The following NRF1 variants were observed in gnomAD, a reference collection of about 807,000 sequenced individuals.
NRF1 encodes the protein nuclear respiratory factor 1.
A neutral mutation model predicts 58.5 loss-of-function variants in NRF1; 5 were observed. That is an observed-to-expected ratio of 0.09 (90% CI 0.04 to 0.18). The LOEUF (loss-of-function observed/expected upper bound fraction) is 0.18. Ranked by LOEUF, NRF1 falls within the 10% of genes least tolerant of loss-of-function variation. NRF1 has a pLI of 1.00. For synonymous variants in NRF1, 224 were observed against 246.7 expected (o/e 0.91, Z 0.86); for missense variants, 288 against 657.7 (o/e 0.44, Z 6.15).
intron 9 of NRF1, among the ~76,000 whole-genome samples, chr7:129,723,710 A>G (rs1367684005): frequency 6.6e-6 from 1 of 152,226 alleles, no homozygotes; most frequent in Non-Finnish European, 1.5e-5. Flanking sequence ...GTCAAAAACC[A>G]TGTGACCATA....
chr7:129,663,837 A>G (rs1453454486), intron 2 of NRF1, among the ~76,000 whole-genome samples: 2 of 152,210 alleles, frequency 1.3e-5, no homozygotes, highest in African/African-American at 4.8e-5. Flanking sequence ...CCTGGGCAAC[A>G]TTGAGCATTG....
At chr7:129,620,388 C>CTT (rs10714338) in intron 1 of NRF1, among the ~76,000 whole-genome samples, 9 of 132,554 alleles carry the variant, frequency 6.8e-5, no homozygotes, top group South Asian at 2.5e-4. Flanking sequence ...AATCAAATCA[C>CTT]TTTTTTTTTT....
chr7:129,618,424 G>C (rs754378293), intron 1 of NRF1, among the ~76,000 whole-genome samples: 1 of 152,200 alleles, frequency 6.6e-6, no homozygotes, highest in Non-Finnish European at 1.5e-5. Flanking sequence ...AGCCAGGCAT[G>C]GTGCCTCACA....
chr7:129,642,776 T>TTTTTTTTTGAGACGG (rs1464724859), intron 1 of NRF1, among the ~76,000 whole-genome samples: 8 of 137,128 alleles, frequency 5.8e-5, no homozygotes, highest in East Asian at 4.8e-4. Flanking sequence ...TTTTTTTTTT[T>TTTTTTTTTGAGACGG]AAATGAGATA....
At chr7:129,617,901 T>G (rs1232701689) in intron 1 of NRF1, among the ~76,000 whole-genome samples, 2 of 152,180 alleles carry the variant, frequency 1.3e-5, no homozygotes, top group African/African-American at 4.8e-5. Flanking sequence ...TGGATTTTGC[T>G]CGACTTGGAG....
intron 3 of NRF1, 147 bp from the exon 4 acceptor site, chr7:129,677,485 G>T (rs1007526010): frequency 1.4e-6 from 1 of 689,684 alleles, no homozygotes. Context: ...CTGCTGAATA[G>T]GATAGCAAAC....
chr7:129,718,987 ATTATCATTTAAGTTG>A (rs942759326), intron 9 of NRF1, among the ~76,000 whole-genome samples: 3 of 152,182 alleles, frequency 2.0e-5, no homozygotes, highest in African/African-American at 7.2e-5. Context: ...AATTATAGTT[ATTATCATTTAAGTTG>A]TATTTTAAGA....
chr7:129,648,274 C>CTTT (rs35513653), intron 1 of NRF1, among the ~76,000 whole-genome samples: 120 of 97,048 alleles, frequency 1.2e-3, no homozygotes, highest in Non-Finnish European at 1.4e-3. Context: ...GCATTATTGA[C>CTTT]TTTTTTTTTT....
Position 129,714,241 on chromosome 7 carries a change from C to G in NRF1, c.1065+2665C>G, listed in dbSNP as rs3800597. ...ATTCCATGCCATATAATTTAACTTTCTTAAATTATACTGTATATGGCAGCA... is the reference window on the plus strand; with the variant it reads ...ATTCCATGCCATATAATTTAACTTTGTTAAATTATACTGTATATGGCAGCA... On this transcript the variant is annotated intron_variant, in intron 8 of 10. Coordinates refer to ENST00000393232, the MANE Select transcript of NRF1 (RefSeq NM_005011.5). Among the ~76,000 whole-genome samples the G allele has an allele frequency of 6.4e-4, 97 of 152,314 alleles. 2 individuals carry two copies. The East Asian group carries it at 0.018, about 28-fold the overall frequency.
chr7:129,612,568 C>T (rs1179398553), intron 1 of NRF1, among the ~76,000 whole-genome samples: 3 of 152,304 alleles, frequency 2.0e-5, no homozygotes, highest in East Asian at 3.9e-4. Flanking sequence ...GTGTTTTCTT[C>T]CCCAGCTGAG....
At chr7:129,682,139 T>C (rs1001719832) in intron 4 of NRF1, among the ~76,000 whole-genome samples, 1 of 150,040 alleles carries the variant, frequency 6.7e-6, no homozygotes, top group African/African-American at 2.5e-5. Flanking sequence ...GATCAAAAAG[T>C]TAGAAATGTA....
intron 8 of NRF1, among the ~76,000 whole-genome samples, chr7:129,713,172 C>T (rs6959550): frequency 0.33 from 48,483 of 148,914 alleles, 8,653 homozygotes; most frequent in Non-Finnish European, 0.42. Flanking sequence ...TCTCAGCTCA[C>T]TGCAACCTCC....
At chr7:129,750,029 C>T (rs1804076041) in intron 10 of NRF1, among the ~76,000 whole-genome samples, 1 of 152,048 alleles carries the variant, frequency 6.6e-6, no homozygotes. Flanking sequence ...CTGTGGACTT[C>T]TCTAGGGTCT....
chr7:129,671,436 G>A lies in NRF1; in HGVS notation c.231G>A (p.Val77=). Residue 77 remains valine (V), a synonymous_variant, in exon 3 of 11, where the codon GTG becomes GTA. Coordinates refer to ENST00000393232, the MANE Select transcript of NRF1 (RefSeq NM_005011.5). The stretch of plus-strand genomic sequence containing the variant: ...CATACGTTATTATTTCAGGTCCTGT[G>A]GGAATGGCCGCTGCTGCTGCTGTGG... ...VTAHLAAAGP[V]GMAAAAAVAT... is the part of the protein sequence containing the mutation. The A allele has an allele frequency of 6.2e-7, 1 of 1,611,888 alleles. No individual in the cohort carries two copies. Among genetic ancestry groups the A allele is most frequent in the Admixed American group, 1.7e-5 (1 of 60,010 alleles).
chr7:129,706,915 C>A (rs1802962995), intron 5 of NRF1, among the ~76,000 whole-genome samples: 1 of 152,116 alleles, frequency 6.6e-6, no homozygotes, highest in Admixed American at 6.6e-5. Context: ...GCTTTCTGAT[C>A]ACTTTAGGAT....
intron 3 of NRF1, among the ~76,000 whole-genome samples, chr7:129,675,079 T>G (rs1330602967): frequency 1.3e-5 from 2 of 152,188 alleles, no homozygotes; most frequent in Non-Finnish European, 2.9e-5. Flanking sequence ...TTATTGTCAT[T>G]TCAACAATAT....
intron 1 of NRF1, among the ~76,000 whole-genome samples, chr7:129,614,012 T>C (rs7782066): frequency 0.26 from 40,170 of 152,116 alleles, 6,432 homozygotes; most frequent in East Asian, 0.47. Flanking sequence ...ACTCGACATA[T>C]AGGAGGGAAA....
intron 9 of NRF1, among the ~76,000 whole-genome samples, chr7:129,720,176 A>G (rs189057148): frequency 9.2e-5 from 14 of 152,180 alleles, no homozygotes; most frequent in Non-Finnish European, 1.5e-4. Flanking sequence ...CGATGCCCCA[A>G]TGAGTGTTAG....
intron 1 of NRF1, 108 bp downstream of exon 1, chr7:129,611,932 C>A (rs1800538933): frequency 6.7e-6 from 1 of 148,532 alleles, no homozygotes; most frequent in Non-Finnish European, 1.5e-5. Context: ...ACCCTGCCGC[C>A]CCCGGCTCTG....
Sources: gnomAD v4.1 joint callset for allele counts (sites outside exome capture counted in the v4.1 genomes callset) on GRCh38, gnomAD v4.1.1 for gene constraint, MANE v1.5 for transcripts, NCBI Gene and HGNC (gene_info 2026-07-23, HGNC 2026-07-21) for gene names.